Variants in ADGRD1 observed in about 807,000 individuals in gnomAD.
ADGRD1 encodes adhesion G protein-coupled receptor D1, also known as G-protein coupled receptor 133.
A neutral mutation model predicts 113.4 loss-of-function variants in ADGRD1; 77 were observed. That is an observed-to-expected ratio of 0.68 (90% CI 0.57 to 0.82). ADGRD1 has a LOEUF of 0.82. Among genes scored for constraint, ADGRD1 ranks in the 40% least tolerant of loss-of-function variants. The probability of loss-of-function intolerance (pLI) is 0.00; values close to 1 mark genes in which losing one functional copy is unlikely to be tolerated. For missense variants in ADGRD1, 1,036 were observed against 1,139.1 expected, an observed-to-expected ratio of 0.91 and a Z score of 1.30; for synonymous variants, 474 against 475.0, an observed-to-expected ratio of 1.00 and a Z score of 0.03.
rs1380838425 is a variant in ADGRD1, at chr12:130,954,619, C to T, written c.67-5C>T. The T allele has an allele frequency of 3.7e-6, 6 of 1,613,732 alleles. No individual in the cohort carries two copies. The African/African-American group carries it at 5.3e-5, about 14-fold the overall frequency. On this transcript the variant is annotated splice_region_variant and splice_polypyrimidine_tract_variant and intron_variant, in intron 1 of 24. Coordinates refer to ENST00000261654, the MANE Select transcript of ADGRD1 (RefSeq NM_198827.5). The surrounding 1 kb of genome is among the most constrained non-coding windows in gnomAD (Gnocchi z 4.7). ...GTGTCTCACACTGTGGTCTTTTGTG[C>T]GCAGGTGCGTGGCGTCTACTCCAGA...
chr12:131,070,724 C>T, intron 13 of ADGRD1: 1 of 472,836 alleles, frequency 2.1e-6, no homozygotes, highest in Non-Finnish European at 4.3e-6. Flanking sequence ...CAAGGCTCCA[C>T]CCACAGCACT....
Position 131,039,507 on chromosome 12 carries a change from A to G in ADGRD1, c.1473+25167A>G, listed in dbSNP as rs540429994. On this transcript the variant is annotated intron_variant, in intron 13 of 24. Transcript: ENST00000261654. The stretch of plus-strand genomic sequence containing the variant: ...TGAGATGGAAAGATTGTTCAAAGAC[A>G]AATGAGTCCTGTTCCCTGCAGGGAG... 2.6e-5 allele frequency among the ~76,000 whole-genome samples: 4 copies of G among 152,368 alleles called. No individual in the cohort carries two copies. In the South Asian group the frequency reaches 6.2e-4, roughly 24 times the overall value.
At chr12:131,099,115 G>A (rs957476141) in intron 15 of ADGRD1, among the ~76,000 whole-genome samples, 4 of 152,154 alleles carry the variant, frequency 2.6e-5, no homozygotes, top group African/African-American at 4.8e-5. Flanking sequence ...GTCGGGCCCC[G>A]GGGATTCAGA....
At chr12:131,123,658 A>G (rs1950662402) in intron 20 of ADGRD1, among the ~76,000 whole-genome samples, 1 of 151,916 alleles carries the variant, frequency 6.6e-6, no homozygotes, top group Non-Finnish European at 1.5e-5. Context: ...CGCCTCTACT[A>G]AAAATACAAA....
intron 13 of ADGRD1, among the ~76,000 whole-genome samples, chr12:131,045,163 G>A (rs1882555006): frequency 6.6e-6 from 1 of 152,236 alleles, no homozygotes; most frequent in Non-Finnish European, 1.5e-5. Flanking sequence ...TGGGCATGCC[G>A]AAATCCGGGA....
intron 15 of ADGRD1, among the ~76,000 whole-genome samples, chr12:131,102,995 C>T (rs974731792): frequency 6.6e-6 from 1 of 152,232 alleles, no homozygotes; most frequent in Admixed American, 6.5e-5. Context: ...GACTGCCCCT[C>T]CTCTCTCCCT....
intron 13 of ADGRD1, among the ~76,000 whole-genome samples, chr12:131,074,789 A>T (rs1021386413): frequency 2.6e-5 from 4 of 152,070 alleles, no homozygotes; most frequent in African/African-American, 9.7e-5. Flanking sequence ...GATGGAGGGG[A>T]GGGAGTTTCC....
At chr12:130,959,898 G>A (rs987766259) in intron 2 of ADGRD1, among the ~76,000 whole-genome samples, 11 of 152,198 alleles carry the variant, frequency 7.2e-5, no homozygotes, top group Admixed American at 2.6e-4. Context: ...TTGAGGGACC[G>A]TGGGGACTAT....
At chr12:131,038,186 G>T (rs1881740809) in intron 13 of ADGRD1, among the ~76,000 whole-genome samples, 1 of 152,256 alleles carries the variant, frequency 6.6e-6, no homozygotes, top group South Asian at 2.1e-4. Context: ...GACGTGTGGG[G>T]ACCATCACCA....
chr12:131,009,026 C>T (rs1252284175), intron 12 of ADGRD1, among the ~76,000 whole-genome samples: 3 of 152,198 alleles, frequency 2.0e-5, no homozygotes, highest in East Asian at 3.8e-4. Flanking sequence ...TGCACACCAG[C>T]GGGAGCAGGG....
At chr12:131,095,004 C>T (rs928666317) in intron 15 of ADGRD1, among the ~76,000 whole-genome samples, 1 of 152,078 alleles carries the variant, frequency 6.6e-6, no homozygotes, top group Non-Finnish European at 1.5e-5. Context: ...CGAGACGCCC[C>T]CTCTCAGCCC....
chr12:131,129,943 A>G (rs944262751), intron 20 of ADGRD1, among the ~76,000 whole-genome samples: 8 of 152,244 alleles, frequency 5.3e-5, no homozygotes. Flanking sequence ...CCGCACTCAC[A>G]CATCAGTGAC....
rs190090886 is a variant in ADGRD1 at position 130,966,979 on chromosome 12, T to G, written c.187+433T>G. 580 of 452,646 alleles carry G rather than the reference T, an allele frequency of 1.3e-3. 19 individuals carry two copies. Among genetic ancestry groups the G allele is most frequent in the South Asian group, 6.5e-3 (418 of 64,510 alleles). The allele number at this position is 452,646 out of a possible 1,614,324, so 28.0% of individuals were successfully genotyped here. ...CTATTGCGTATTGAATGGGAGAATTTCTGATTCAAAATATGATTAAAATGT... is the reference window on the plus strand; with the variant it reads ...CTATTGCGTATTGAATGGGAGAATTGCTGATTCAAAATATGATTAAAATGT... On this transcript the variant is annotated intron_variant, in intron 3 of 24. Coordinates refer to ENST00000261654, the MANE Select transcript of ADGRD1 (RefSeq NM_198827.5). This position sits in a 1 kb window ranked among gnomAD's most constrained non-coding sequence, Gnocchi z 4.6.
At chr12:130,999,814 A>G (rs907139099) in intron 8 of ADGRD1, among the ~76,000 whole-genome samples, 1 of 152,226 alleles carries the variant, frequency 6.6e-6, no homozygotes, top group Admixed American at 6.5e-5. Flanking sequence ...AAAACGAAGT[A>G]GAAAATTCAC....
At chr12:131,090,461 C>T (rs1040284158) in intron 15 of ADGRD1, among the ~76,000 whole-genome samples, 6 of 152,156 alleles carry the variant, frequency 3.9e-5, no homozygotes, top group African/African-American at 1.4e-4. Context: ...CCGAGGTTTT[C>T]CCCTGGCTTT....
chr12:131,003,361 T>TCC lies in ADGRD1; in HGVS notation c.1144+60_1144+61insCC. The TCC allele has an allele frequency of 8.8e-7, 1 of 1,133,566 alleles. No homozygotes were observed. Among genetic ancestry groups the TCC allele is most frequent in the Non-Finnish European group, 1.3e-6 (1 of 749,764 alleles). 70.2% of individuals were successfully genotyped at this position (1,133,566 alleles called of 1,614,324 possible). ...AGGGGCGGGGGCTGGAGGCTGCGTT[T>TCC]CACTGCCTGTCTTTTTACACCCTTA... is the stretch of plus-strand genomic sequence containing the variant. On this transcript the variant is annotated intron_variant, in intron 10 of 24. Coordinates refer to ENST00000261654, the MANE Select transcript of ADGRD1 (RefSeq NM_198827.5). This position sits in a 1 kb window ranked among gnomAD's most constrained non-coding sequence, Gnocchi z 4.8.
chr12:131,100,940 A>G lies in ADGRD1; in HGVS notation c.1672-3891A>G, dbSNP rs60907965. ...TCTGTTGAATCAGTGGCAGAGTCAG[A>G]TGGGTAGATGTGAGGGCTCTTTCTC... On this transcript the variant is annotated intron_variant, in intron 15 of 24. Coordinates refer to ENST00000261654, the MANE Select transcript of ADGRD1 (RefSeq NM_198827.5). 7.1e-3 allele frequency among the ~76,000 whole-genome samples: 1,084 copies of G among 152,338 alleles called. 17 individuals carry two copies. Among genetic ancestry groups the G allele is most frequent in the African/African-American group, 0.024 (990 of 41,570 alleles).
Position 131,003,620 on chromosome 12 carries a change from C to T in ADGRD1, c.1144+318C>T, listed in dbSNP as rs1333270709. Among the ~76,000 whole-genome samples, 1 of 152,174 alleles carries T rather than the reference C, an allele frequency of 6.6e-6. No individual in the cohort carries two copies. Among genetic ancestry groups the T allele is most frequent in the African/African-American group, 2.4e-5 (1 of 41,438 alleles). On this transcript the variant is annotated intron_variant, in intron 10 of 24. Transcript: ENST00000261654. This position sits in a 1 kb window ranked among gnomAD's most constrained non-coding sequence, Gnocchi z 4.8. ...AGAGTCTGTGGAATAAAAGGGGTGG[C>T]CTCGGGTTTCTGGCGTCAGCTTGCT...
intron 9 of ADGRD1, among the ~76,000 whole-genome samples, chr12:131,000,691 A>G (rs1876258745): frequency 2.1e-5 from 3 of 140,380 alleles, no homozygotes; most frequent in South Asian, 2.4e-4. Context: ...CAGTGAGCCG[A>G]GGTTGTGCCA....
Sources: gnomAD v4.1 joint callset for allele counts (sites outside exome capture counted in the v4.1 genomes callset) on GRCh38, gnomAD v4.1.1 for gene constraint, Gnocchi (gnomAD v3.1) non-coding constraint, MANE v1.5 for transcripts, NCBI Gene and HGNC (gene_info 2026-07-23, HGNC 2026-07-21) for gene names.